KIF3B: variants seen among roughly 807,000 people sequenced by gnomAD.
KIF3B encodes the protein kinesin family member 3B.
Under a neutral mutation model 74.3 loss-of-function variants are expected in KIF3B, and 38 were observed. The ratio of observed to expected loss-of-function variants is 0.51; its 90% confidence interval spans 0.39 to 0.67. KIF3B has a LOEUF of 0.67. KIF3B is among the 30% of genes least tolerant of loss of function. The probability of loss-of-function intolerance (pLI) is 0.00; values close to 1 mark genes in which losing one functional copy is unlikely to be tolerated. For missense variants in KIF3B, 649 were observed against 932.0 expected, an observed-to-expected ratio of 0.70 and a Z score of 3.95; for synonymous variants, 326 against 342.5, an observed-to-expected ratio of 0.95 and a Z score of 0.53.
chr20:32,287,461 A>G (rs2047672506), intron 1 of KIF3B, among the ~76,000 whole-genome samples: 1 of 151,052 alleles, frequency 6.6e-6, no homozygotes, highest in Non-Finnish European at 1.5e-5. Context: ...AGCCAGGGCC[A>G]CAGGTGCGTG....
chr20:32,299,598 G>A (rs979310879), intron 1 of KIF3B, among the ~76,000 whole-genome samples: 1 of 150,844 alleles, frequency 6.6e-6, no homozygotes, highest in Non-Finnish European at 1.5e-5. Context: ...TTTTAGTAGA[G>A]AGAGGGTTTC....
intron 5 of KIF3B, among the ~76,000 whole-genome samples, chr20:32,318,478 C>T (rs2047839727): frequency 6.6e-6 from 1 of 152,140 alleles, no homozygotes; most frequent in African/African-American, 2.4e-5. Flanking sequence ...CCTTTCCCAA[C>T]CCGAAGTAAT....
chr20:32,302,094 A>T (rs938355638), intron 1 of KIF3B, among the ~76,000 whole-genome samples: 5 of 152,218 alleles, frequency 3.3e-5, no homozygotes, highest in Non-Finnish European at 7.3e-5. Context: ...CAATTCTGTG[A>T]GTTTCTTTAA....
chr20:32,334,162 T>C lies in KIF3B; in HGVS notation c.*2843T>C, dbSNP rs1213674712. ...CATCAGGAGAAGGAGTTTGAGACTG[T>C]GTATGCAACCCCCAATAGACCCCCT... On this transcript the variant is annotated 3_prime_UTR_variant, in exon 9 of 9. Transcript: ENST00000375712. 6.6e-6 allele frequency: 1 copy of C among 152,666 alleles called. No homozygotes were observed. The highest frequency in any genetic ancestry group is 2.4e-5 in the African/African-American group (1 of 41,460). 9.5% of individuals were successfully genotyped at this position (152,666 alleles called of 1,614,324 possible).
chr20:32,327,468 G>T, intron 6 of KIF3B, 88 bp from the exon 7 acceptor site: 1 of 1,015,770 alleles, frequency 9.8e-7, no homozygotes, highest in Non-Finnish European at 1.5e-6. Flanking sequence ...AGTCCAGGGA[G>T]TTACTTGCTT....
intron 2 of KIF3B, among the ~76,000 whole-genome samples, chr20:32,315,093 G>GGA (rs2047820585): frequency 6.6e-6 from 1 of 152,188 alleles, no homozygotes; most frequent in Non-Finnish European, 1.5e-5. Context: ...CCCAGGCCTA[G>GGA]ACCCCTGCAG....
chr20:32,283,399 G>A (rs183177501), intron 1 of KIF3B, among the ~76,000 whole-genome samples: 144 of 152,162 alleles, frequency 9.5e-4, no homozygotes, highest in African/African-American at 3.2e-3. Context: ...AGCTACTCAG[G>A]AGGCTGAGGC....
intron 1 of KIF3B, 63 bp downstream of exon 1, chr20:32,277,828 C>T (rs769536456): frequency 2.8e-5 from 5 of 177,110 alleles, no homozygotes; most frequent in African/African-American, 9.6e-5. Flanking sequence ...TGGGGTTTTC[C>T]CTGCGACCTG....
chr20:32,323,025 T>TATAC (rs2047879506), intron 5 of KIF3B, among the ~76,000 whole-genome samples: 4 of 20,058 alleles, frequency 2.0e-4, no homozygotes, highest in Non-Finnish European at 3.2e-4. Flanking sequence ...TTTATATTTA[T>TATAC]ATATTTATAT....
chr20:32,315,751 A>G (rs1442910628), intron 2 of KIF3B, among the ~76,000 whole-genome samples: 1 of 152,088 alleles, frequency 6.6e-6, no homozygotes, highest in African/African-American at 2.4e-5. Context: ...TCTGAATTCT[A>G]TCCCATCAGT....
chr20:32,293,960 C>G (rs577896208), intron 1 of KIF3B, among the ~76,000 whole-genome samples: 3 of 152,222 alleles, frequency 2.0e-5, no homozygotes, highest in African/African-American at 7.2e-5. Flanking sequence ...GTCGTGTAAC[C>G]TTGGGCAAAT....
chr20:32,314,409 A>G (rs1034048953), intron 2 of KIF3B, among the ~76,000 whole-genome samples: 10 of 152,086 alleles, frequency 6.6e-5, no homozygotes, highest in South Asian at 6.2e-4. Context: ...GTGTGGTGGC[A>G]TGCACCTGTA....
chr20:32,310,821 G>T lies in KIF3B; in HGVS notation c.1044G>T (p.Glu348Asp). 6.2e-7 allele frequency: 1 copy of T among 1,614,106 alleles called. No homozygotes were observed. Among genetic ancestry groups the T allele is most frequent in the Non-Finnish European group, 8.5e-7 (1 of 1,180,014 alleles). ...KNIKNKPRVN[E>D]DPKDALLREF... ...TTAAGAACAAACCAAGGGTCAATGA[G>T]GACCCCAAGGATGCCCTCCTTCGAG... Residue 348 changes from glutamate (E) to aspartate (D), a missense_variant, in exon 2 of 9, where the codon GAG becomes GAT. Coordinates refer to ENST00000375712, the MANE Select transcript of KIF3B (RefSeq NM_004798.4). This position sits in a 1 kb window ranked among gnomAD's most constrained non-coding sequence, Gnocchi z 6.5.
chr20:32,284,670 G>A (rs573407595), intron 1 of KIF3B, among the ~76,000 whole-genome samples: 2 of 152,154 alleles, frequency 1.3e-5, no homozygotes, highest in South Asian at 4.2e-4. Context: ...CAATAACAAG[G>A]CCCAGATCTA....
At chr20:32,312,101 CTTTT>C (rs1216669844) in intron 2 of KIF3B, among the ~76,000 whole-genome samples, 1 of 143,472 alleles carries the variant, frequency 7.0e-6, no homozygotes, top group Non-Finnish European at 1.5e-5. Flanking sequence ...CCGTGTCCGG[CTTTT>C]TTTTTTCTTT....
chr20:32,319,561 G>T (rs1194845583), intron 5 of KIF3B, among the ~76,000 whole-genome samples: 13 of 122,522 alleles, frequency 1.1e-4, no homozygotes, highest in South Asian at 7.7e-4. Context: ...TATATATATA[G>T]TTTTTTTTTG....
chr20:32,323,540 C>G (rs1178023449), intron 5 of KIF3B, among the ~76,000 whole-genome samples: 3 of 151,854 alleles, frequency 2.0e-5, no homozygotes, highest in Non-Finnish European at 2.9e-5. Flanking sequence ...GCTGGGACTA[C>G]TCGAGTAGTG....
At chr20:32,327,737 C>G in intron 7 of KIF3B, 76 bp downstream of exon 7, 1 of 1,018,464 alleles carries the variant, frequency 9.8e-7, no homozygotes, top group Non-Finnish European at 1.5e-6. Context: ...GATACTATTC[C>G]ACTCAGAGTT....
chr20:32,310,717 G>C lies in KIF3B; in HGVS notation c.940G>C (p.Val314Leu), dbSNP rs1311700900. ...TGGTGGCAATGCCAAGACTGTGATG[G>C]TGGCCAACGTGGGGCCTGCCTCTTA... ...SLGGNAKTVM[V>L]ANVGPASYNV... The change falls in exon 2 of 9, where the codon GTG becomes CTG. Residue 314 changes from valine (V) to leucine (L), a missense_variant. Coordinates refer to ENST00000375712, the MANE Select transcript of KIF3B (RefSeq NM_004798.4). This position sits in a 1 kb window ranked among gnomAD's most constrained non-coding sequence, Gnocchi z 6.5. 2.5e-6 allele frequency: 4 copies of C among 1,614,132 alleles called. No individual in the cohort carries two copies. Among genetic ancestry groups the C allele is most frequent in the Non-Finnish European group, 3.4e-6 (4 of 1,180,030 alleles).
Sources: gnomAD v4.1 joint callset for allele counts (sites outside exome capture counted in the v4.1 genomes callset) on GRCh38, gnomAD v4.1.1 for gene constraint, Gnocchi (gnomAD v3.1) non-coding constraint, MANE v1.5 for transcripts, NCBI Gene and HGNC (gene_info 2026-07-23, HGNC 2026-07-21) for gene names.